EPHB1: variants seen among roughly 807,000 people sequenced by gnomAD.
The protein encoded by EPHB1 is ephrin type-B receptor 1.
In EPHB1, 30 loss-of-function variants were observed where a neutral mutation model predicts 94.4. The ratio of observed to expected loss-of-function variants is 0.32; its 90% CI spans 0.24 to 0.43. The LOEUF is 0.43. Ranked by LOEUF, EPHB1 falls within the 20% of genes least tolerant of loss-of-function variation. The pLI, the probability that EPHB1 is intolerant of heterozygous loss-of-function variation, is 1.00. For synonymous variants in EPHB1, 522 were observed against 489.1 expected (o/e 1.07, Z -0.89); for missense variants, 1,055 against 1,308.3 (o/e 0.81, Z 2.99).
chr3:135,142,222 T>A (rs1480283148), intron 5 of EPHB1, among the ~76,000 whole-genome samples: 1 of 152,208 alleles, frequency 6.6e-6, no homozygotes, highest in South Asian at 2.1e-4. Flanking sequence ...TTGGCAGTGC[T>A]ATTGAAGAGA....
chr3:134,923,068 G>A (rs919360354), intron 1 of EPHB1, among the ~76,000 whole-genome samples: 1 of 152,134 alleles, frequency 6.6e-6, no homozygotes, highest in Non-Finnish European at 1.5e-5. Context: ...GAGATGGGGG[G>A]AGGGAGGGAG....
chr3:134,806,645 G>C (rs2036046882), intron 1 of EPHB1, among the ~76,000 whole-genome samples: 1 of 152,186 alleles, frequency 6.6e-6, no homozygotes, highest in Admixed American at 6.5e-5. Context: ...GAGAACAATG[G>C]TTTAGATAAA....
chr3:135,207,748 A>C (rs1281858672), intron 12 of EPHB1, among the ~76,000 whole-genome samples: 1 of 152,180 alleles, frequency 6.6e-6, no homozygotes, highest in Non-Finnish European at 1.5e-5. Context: ...GCGGTCATTT[A>C]TTTCTTGTCA....
intron 2 of EPHB1, among the ~76,000 whole-genome samples, chr3:134,934,016 C>T (rs1025849013): frequency 2.6e-5 from 4 of 152,118 alleles, no homozygotes; most frequent in African/African-American, 9.7e-5. Flanking sequence ...CCTCCTATTC[C>T]CTCTTCAGGT....
intron 1 of EPHB1, among the ~76,000 whole-genome samples, chr3:134,874,567 C>G (rs550314717): frequency 5.3e-4 from 80 of 152,256 alleles, no homozygotes; most frequent in Admixed American, 1.6e-3. Flanking sequence ...AAAACATTAC[C>G]CACTGCACTG....
At position 134,896,956 on chromosome 3, in the gene EPHB1, G is replaced by A. The variant is rs139045155; in HGVS notation, c.59-28860G>A. Among the ~76,000 whole-genome samples the A allele has an allele frequency of 7.5e-3, 1,135 of 152,304 alleles. 9 individuals are homozygous for A. Among genetic ancestry groups the A allele is most frequent in the South Asian group, 0.029 (142 of 4,826 alleles). On this transcript the variant is annotated intron_variant, in intron 1 of 15. Transcript: ENST00000398015. ...TCCTGGTGAGTGTCATGCTCCTTGC[G>A]TAATATCTGCCTGTCACCAGGGGGC... is the stretch of plus-strand genomic sequence containing the variant.
intron 1 of EPHB1, among the ~76,000 whole-genome samples, chr3:134,924,387 A>G (rs1295471865): frequency 6.6e-6 from 1 of 152,248 alleles, no homozygotes; most frequent in Non-Finnish European, 1.5e-5. Context: ...AGACCTCTCA[A>G]ACTCAATAAT....
At chr3:135,097,109 A>G (rs990257304) in intron 3 of EPHB1, among the ~76,000 whole-genome samples, 5 of 139,378 alleles carry the variant, frequency 3.6e-5, no homozygotes, top group South Asian at 2.2e-4. Flanking sequence ...AAAAAAAAAA[A>G]AAAAAAGAAA....
At chr3:134,846,851 G>T (rs1282990581) in intron 1 of EPHB1, among the ~76,000 whole-genome samples, 1 of 152,138 alleles carries the variant, frequency 6.6e-6, no homozygotes, top group Non-Finnish European at 1.5e-5. Context: ...GAATGGGCCG[G>T]GAGGGTCATG....
chr3:134,943,407 C>A (rs2039157711), intron 2 of EPHB1, among the ~76,000 whole-genome samples: 1 of 152,178 alleles, frequency 6.6e-6, no homozygotes, highest in African/African-American at 2.4e-5. Flanking sequence ...CCGACCAGGG[C>A]ATGAGGTGAT....
intron 5 of EPHB1, among the ~76,000 whole-genome samples, chr3:135,152,729 T>C (rs1172924131): frequency 6.6e-6 from 1 of 152,182 alleles, no homozygotes; most frequent in East Asian, 1.9e-4. Context: ...GGAATGGGTC[T>C]GCCATGGCAT....
intron 1 of EPHB1, among the ~76,000 whole-genome samples, chr3:134,822,955 A>G (rs922507579): frequency 8.5e-5 from 13 of 152,132 alleles, no homozygotes; most frequent in African/African-American, 2.7e-4. Context: ...AGGGAAGCGG[A>G]AGTGATTTTC....
chr3:134,846,592 G>A (rs13073658), intron 1 of EPHB1, among the ~76,000 whole-genome samples: 23,415 of 152,072 alleles, frequency 0.15, 2,312 homozygotes, highest in African/African-American at 0.29. Context: ...TCTTCTCCAC[G>A]GAGTTGCTTC....
At chr3:135,078,852 C>T (rs1296279843) in intron 3 of EPHB1, among the ~76,000 whole-genome samples, 1 of 152,228 alleles carries the variant, frequency 6.6e-6, no homozygotes. Context: ...TGCCTAGCTT[C>T]CTGGACAGAG....
intron 3 of EPHB1, among the ~76,000 whole-genome samples, chr3:135,077,475 C>T (rs1228936941): frequency 6.6e-6 from 1 of 152,182 alleles, no homozygotes; most frequent in Non-Finnish European, 1.5e-5. Flanking sequence ...TTTCTGAAGC[C>T]TAGGTCCTCT....
chr3:135,236,647 T>G (rs577389387), intron 12 of EPHB1, among the ~76,000 whole-genome samples: 23 of 152,288 alleles, frequency 1.5e-4, no homozygotes, highest in African/African-American at 5.5e-4. Flanking sequence ...CATGATACAC[T>G]CGGCCATGAA....
In EPHB1 at chr3:134,951,658, A is replaced by G. The variant is rs1027797523; in HGVS notation, c.411A>G (p.Val137=). 4.3e-6 allele frequency: 7 copies of G among 1,614,092 alleles called. No individual in the cohort carries two copies. Among genetic ancestry groups the G allele is most frequent in the Non-Finnish European group, 5.9e-6 (7 of 1,179,978 alleles). ...AFWSEAPYLK[V]DTIAADESFS... is the part of the protein sequence containing the mutation. ...GGTCTGAGGCCCCCTACCTCAAAGT[A>G]GACACCATTGCTGCAGATGAGAGCT... Residue 137 remains valine, a synonymous_variant, in exon 3 of 16, where the codon GTA becomes GTG. Transcript: ENST00000398015. This position sits in a 1 kb window ranked among gnomAD's most constrained non-coding sequence, Gnocchi z 4.5.
intron 7 of EPHB1, among the ~76,000 whole-genome samples, chr3:135,165,300 T>C (rs1941619758): frequency 6.6e-6 from 1 of 152,206 alleles, no homozygotes; most frequent in African/African-American, 2.4e-5. Context: ...GTGTGTCCAG[T>C]ATCACAAAGC....
At chr3:134,946,991 G>A (rs1457736025) in intron 2 of EPHB1, among the ~76,000 whole-genome samples, 3 of 151,996 alleles carry the variant, frequency 2.0e-5, no homozygotes, top group Admixed American at 6.6e-5. Flanking sequence ...TCATATATCC[G>A]TTGCACCCCC....
Sources: allele counts gnomAD v4.1 joint callset (sites outside exome capture counted in the v4.1 genomes callset), GRCh38; gene constraint gnomAD v4.1.1; non-coding constraint Gnocchi (gnomAD v3.1); transcripts MANE v1.5; gene names NCBI Gene and HGNC (gene_info 2026-07-23, HGNC 2026-07-21).